The following FNDC3A variants were observed in gnomAD, a reference collection of about 807,000 sequenced individuals.
The protein encoded by FNDC3A is fibronectin type-III domain-containing protein 3A.
Under a neutral mutation model 148.9 loss-of-function variants are expected in FNDC3A, and 32 were observed. The observed-to-expected ratio is 0.21, with a 90% CI of 0.16 to 0.29. FNDC3A has a LOEUF of 0.29. Ranked by LOEUF, FNDC3A falls within the 10% of genes least tolerant of loss-of-function variation. The probability of loss-of-function intolerance (pLI) is 1.00; values close to 1 mark genes in which losing one functional copy is unlikely to be tolerated. For missense variants in FNDC3A, 1,191 were observed against 1,452.8 expected (o/e 0.82, Z 2.93); for synonymous variants, 472 against 473.6 (o/e 1.00, Z 0.04).
chr13:49,170,091 A>G (rs1469764913), intron 10 of FNDC3A, among the ~76,000 whole-genome samples: 1 of 152,126 alleles, frequency 6.6e-6, no homozygotes, highest in Non-Finnish European at 1.5e-5. Flanking sequence ...CCTATATAAG[A>G]TGTAGGTGGT....
At chr13:49,094,614 CTG>C (rs1355072834) in intron 3 of FNDC3A, among the ~76,000 whole-genome samples, 1 of 152,032 alleles carries the variant, frequency 6.6e-6, no homozygotes, top group Non-Finnish European at 1.5e-5. Flanking sequence ...GCAACATAGA[CTG>C]TATCCCTGAC....
chr13:49,025,113 T>G (rs1030898179), intron 2 of FNDC3A, among the ~76,000 whole-genome samples: 2 of 152,038 alleles, frequency 1.3e-5, no homozygotes, highest in African/African-American at 4.8e-5. Context: ...TTTCAAATAC[T>G]GCTTTTTTGG....
At chr13:49,187,791 T>C in intron 16 of FNDC3A, 2 of 671,934 alleles carry the variant, frequency 3.0e-6, no homozygotes, top group Non-Finnish European at 5.2e-6. Flanking sequence ...AGTTAGGATT[T>C]TGCCTGTTAT....
At chr13:48,997,243 G>A (rs575965203) in intron 1 of FNDC3A, among the ~76,000 whole-genome samples, 44 of 152,244 alleles carry the variant, frequency 2.9e-4, no homozygotes, top group African/African-American at 1.1e-3. Context: ...ATTCTCATGA[G>A]CTATCTACCT....
At chr13:49,142,261 A>G (rs1012100697) in intron 7 of FNDC3A, among the ~76,000 whole-genome samples, 2 of 152,144 alleles carry the variant, frequency 1.3e-5, no homozygotes, top group Non-Finnish European at 2.9e-5. Flanking sequence ...GCTTGTCTAT[A>G]CTATTTTATC....
At chr13:49,142,252 C>CT (rs1566279240) in intron 7 of FNDC3A, among the ~76,000 whole-genome samples, 1 of 152,136 alleles carries the variant, frequency 6.6e-6, no homozygotes, top group East Asian at 1.9e-4. Context: ...TCTTAATCTG[C>CT]TTGTCTATAC....
chr13:49,061,998 C>T (rs1047722008), intron 2 of FNDC3A, among the ~76,000 whole-genome samples: 1 of 151,208 alleles, frequency 6.6e-6, no homozygotes, highest in African/African-American at 2.4e-5. Context: ...TTTACAGTCC[C>T]CATAGTAATA....
intron 4 of FNDC3A, among the ~76,000 whole-genome samples, chr13:49,125,876 T>G (rs987431914): frequency 6.6e-6 from 1 of 152,156 alleles, no homozygotes; most frequent in African/African-American, 2.4e-5. Context: ...AAACATGTCT[T>G]TGCCTACTTA....
intron 1 of FNDC3A, among the ~76,000 whole-genome samples, chr13:48,989,083 G>A (rs1287249436): frequency 2.0e-5 from 3 of 152,140 alleles, no homozygotes; most frequent in African/African-American, 7.2e-5. Context: ...AATTCACAAG[G>A]CATTCAGTAG....
intron 7 of FNDC3A, among the ~76,000 whole-genome samples, chr13:49,141,434 G>A (rs573283256): frequency 6.6e-6 from 1 of 151,766 alleles, no homozygotes; most frequent in Non-Finnish European, 1.5e-5. Flanking sequence ...CCTTTTTGTG[G>A]TTACTAGAAG....
At chr13:49,118,224 G>A (rs1881090155) in intron 4 of FNDC3A, among the ~76,000 whole-genome samples, 1 of 152,170 alleles carries the variant, frequency 6.6e-6, no homozygotes, top group African/African-American at 2.4e-5. Flanking sequence ...GCAGGGTGGG[G>A]CATCGCCTCA....
chr13:49,062,825 T>C (rs1418932718), intron 2 of FNDC3A, among the ~76,000 whole-genome samples: 1 of 152,220 alleles, frequency 6.6e-6, no homozygotes, highest in Non-Finnish European at 1.5e-5. Flanking sequence ...GATTTATTTT[T>C]CTTCTTTTGG....
At chr13:49,072,791 C>T (rs1877787680) in intron 2 of FNDC3A, among the ~76,000 whole-genome samples, 1 of 152,042 alleles carries the variant, frequency 6.6e-6, no homozygotes, top group African/African-American at 2.4e-5. Flanking sequence ...GCTAATACTA[C>T]TGATTTTTGT....
chr13:48,984,390 A>G (rs1243768272), intron 1 of FNDC3A, among the ~76,000 whole-genome samples: 2 of 152,240 alleles, frequency 1.3e-5, no homozygotes, highest in Non-Finnish European at 2.9e-5. Context: ...AAAAAGAAGT[A>G]TAATAAATGG....
chr13:49,075,275 C>T lies in FNDC3A; in HGVS notation c.100-14C>T, dbSNP rs200171598. ...TTTTTGTTTTGATTAATACTTCTTCCCCTCATTTTTAAGGTTATTCTGGTA... is the reference window on the plus strand; with the variant it reads ...TTTTTGTTTTGATTAATACTTCTTCTCCTCATTTTTAAGGTTATTCTGGTA... On this transcript the variant is annotated splice_polypyrimidine_tract_variant and intron_variant, in intron 2 of 25. Transcript: ENST00000492622. 1.4e-4 allele frequency: 213 copies of T among 1,496,794 alleles called. No homozygotes were observed. The African/African-American group carries it at 2.7e-3, about 19-fold the overall frequency. The allele number at this position is 1,496,794 out of a possible 1,614,324, so 92.7% of individuals were successfully genotyped here.
At chr13:49,109,934 T>A (rs1482494047) in intron 3 of FNDC3A, among the ~76,000 whole-genome samples, 2 of 152,186 alleles carry the variant, frequency 1.3e-5, no homozygotes, top group Non-Finnish European at 2.9e-5. Flanking sequence ...TCAGACTGAA[T>A]CTTTTAAATT....
chr13:49,192,109 G>A (rs1446015101), intron 19 of FNDC3A, among the ~76,000 whole-genome samples: 1 of 152,036 alleles, frequency 6.6e-6, no homozygotes, highest in African/African-American at 2.4e-5. Flanking sequence ...GGTTCCCTAA[G>A]GACAAAGCAG....
At chr13:49,025,783 G>A (rs1028516495) in intron 2 of FNDC3A, among the ~76,000 whole-genome samples, 6 of 152,104 alleles carry the variant, frequency 3.9e-5, no homozygotes, top group African/African-American at 1.4e-4. Flanking sequence ...AGATGTTAAG[G>A]AACCTGACAG....
chr13:49,081,659 A>G (rs557489223), intron 3 of FNDC3A, among the ~76,000 whole-genome samples: 2 of 152,334 alleles, frequency 1.3e-5, no homozygotes, highest in Non-Finnish European at 2.9e-5. Flanking sequence ...TACATCATAT[A>G]TAGTCTCTAA....
Sources: allele counts gnomAD v4.1 joint callset (sites outside exome capture counted in the v4.1 genomes callset), GRCh38; gene constraint gnomAD v4.1.1; transcripts MANE v1.5; gene names NCBI Gene and HGNC (gene_info 2026-07-23, HGNC 2026-07-21).